The following CNTN4 variants were observed in gnomAD, a reference collection of about 807,000 sequenced individuals.
CNTN4 encodes contactin-4.
A neutral mutation model predicts 122.5 loss-of-function variants in CNTN4; 77 were observed. That is an observed-to-expected ratio of 0.63 (90% CI 0.52 to 0.76). CNTN4 has a LOEUF of 0.76. Ranked by LOEUF, CNTN4 falls within the 30% of genes least tolerant of loss-of-function variation. The probability of loss-of-function intolerance (pLI) is 0.00; values close to 1 mark genes in which losing one functional copy is unlikely to be tolerated. For synonymous variants in CNTN4, 512 were observed against 447.0 expected (o/e 1.15, Z -1.83); for missense variants, 1,256 against 1,259.1 (o/e 1.00, Z 0.04).
At chr3:2,410,200 A>T (rs1293752436) in intron 3 of CNTN4, among the ~76,000 whole-genome samples, 1 of 152,226 alleles carries the variant, frequency 6.6e-6, no homozygotes, top group Non-Finnish European at 1.5e-5. Flanking sequence ...AAGAAGATGG[A>T]GGACCCTCCC....
chr3:2,633,230 A>C (rs1322765343), intron 4 of CNTN4, among the ~76,000 whole-genome samples: 1 of 152,192 alleles, frequency 6.6e-6, no homozygotes, highest in Non-Finnish European at 1.5e-5. Flanking sequence ...AGCACTGTTC[A>C]CATAAAACAC....
chr3:2,881,004 G>T (rs1169144884), intron 8 of CNTN4, among the ~76,000 whole-genome samples: 1 of 152,062 alleles, frequency 6.6e-6, no homozygotes, highest in African/African-American at 2.4e-5. Context: ...GATATCAAAG[G>T]TCCCTTCCAA....
At position 2,630,945 on chromosome 3, in the gene CNTN4, A is replaced by G. The variant is rs1031241667; in HGVS notation, c.55+59387A>G. Among the ~76,000 whole-genome samples the G allele has an allele frequency of 2.6e-5, 4 of 152,246 alleles. No homozygotes were observed. In the East Asian group the frequency reaches 7.7e-4, roughly 29 times the overall value. ...GTTTATTTTGCTTGCATCTTACCAA[A>G]CCTCAACTTATAGTCAGTTGACCAA... is the stretch of plus-strand genomic sequence containing the variant. On this transcript the variant is annotated intron_variant, in intron 4 of 24. Transcript: ENST00000418658.
At chr3:2,392,098 A>G (rs1053398411) in intron 3 of CNTN4, among the ~76,000 whole-genome samples, 2 of 152,220 alleles carry the variant, frequency 1.3e-5, no homozygotes, top group African/African-American at 2.4e-5. Flanking sequence ...ATGTTGCTAC[A>G]TGACCCCAGA....
At chr3:2,657,844 G>T (rs1052405081) in intron 4 of CNTN4, among the ~76,000 whole-genome samples, 1 of 151,148 alleles carries the variant, frequency 6.6e-6, no homozygotes, top group Admixed American at 6.6e-5. Context: ...TTCAGTGGGG[G>T]CATATGAAAT....
chr3:2,716,817 C>G (rs984784270), intron 4 of CNTN4, among the ~76,000 whole-genome samples: 4 of 152,226 alleles, frequency 2.6e-5, no homozygotes, highest in African/African-American at 9.6e-5. Flanking sequence ...AACTACTAGT[C>G]TGCTTTGTGT....
intron 2 of CNTN4, among the ~76,000 whole-genome samples, chr3:2,298,501 A>T (rs2042390810): frequency 6.6e-6 from 1 of 152,038 alleles, no homozygotes; most frequent in Non-Finnish European, 1.5e-5. Context: ...GAATTTGAAA[A>T]TTTCTTTCTT....
chr3:2,241,686 C>T (rs1291539751), intron 2 of CNTN4, among the ~76,000 whole-genome samples: 1 of 152,190 alleles, frequency 6.6e-6, no homozygotes, highest in Non-Finnish European at 1.5e-5. Context: ...AACACATTCT[C>T]TCTGTATCTG....
rs112631777 is a variant in CNTN4 at position 2,583,264 on chromosome 3, T to C, written c.55+11706T>C. On this transcript the variant is annotated intron_variant, in intron 4 of 24. Coordinates refer to ENST00000418658, the MANE Select transcript of CNTN4 (RefSeq NM_175607.3). Reference sequence around the variant, plus strand: ...CAACTCATTGCAGCAGATATGTTACTTCAACAGGGAGCATTTCACAGATTG... The same window carrying C: ...CAACTCATTGCAGCAGATATGTTACCTCAACAGGGAGCATTTCACAGATTG... Among the ~76,000 whole-genome samples the C allele has an allele frequency of 4.5e-3, 688 of 152,318 alleles. 6 individuals carry two copies. Among genetic ancestry groups the C allele is most frequent in the African/African-American group, 0.015 (629 of 41,566 alleles).
intron 7 of CNTN4, among the ~76,000 whole-genome samples, chr3:2,863,105 A>G (rs939256335): frequency 1.2e-4 from 19 of 152,320 alleles, no homozygotes; most frequent in Non-Finnish European, 2.4e-4. Flanking sequence ...GTTGTACTAC[A>G]CTTTTTGCCT....
chr3:2,169,560 C>G (rs529245804), intron 2 of CNTN4, among the ~76,000 whole-genome samples: 4 of 151,774 alleles, frequency 2.6e-5, no homozygotes, highest in Admixed American at 1.3e-4. Flanking sequence ...GCGCCGCCAC[C>G]ACGCCCGGCT....
chr3:2,482,290 C>G (rs2076027435), intron 3 of CNTN4, among the ~76,000 whole-genome samples: 1 of 152,074 alleles, frequency 6.6e-6, no homozygotes, highest in Non-Finnish European at 1.5e-5. Context: ...AGCATTTTGC[C>G]CCTGCCCTAG....
At chr3:2,247,826 C>G (rs1053129790) in intron 2 of CNTN4, among the ~76,000 whole-genome samples, 5 of 151,958 alleles carry the variant, frequency 3.3e-5, no homozygotes, top group Admixed American at 1.3e-4. Context: ...ATAATAGTGT[C>G]TTACTAAAGT....
At chr3:2,779,533 T>C (rs949154703) in intron 6 of CNTN4, among the ~76,000 whole-genome samples, 1 of 152,164 alleles carries the variant, frequency 6.6e-6, no homozygotes, top group Admixed American at 6.5e-5. Context: ...TTTTTAGTTA[T>C]TATGTTGGAT....
At chr3:2,281,661 C>T (rs1470410757) in intron 2 of CNTN4, among the ~76,000 whole-genome samples, 1 of 152,026 alleles carries the variant, frequency 6.6e-6, no homozygotes, top group African/African-American at 2.4e-5. Context: ...TAGTATTTCA[C>T]ATATCTGCTT....
chr3:2,426,223 T>C (rs1055787050), intron 3 of CNTN4, among the ~76,000 whole-genome samples: 20 of 152,216 alleles, frequency 1.3e-4, no homozygotes, highest in Non-Finnish European at 5.9e-5. Context: ...ATAGCTCTTA[T>C]TATTTTGAGA....
At chr3:2,157,941 A>T (rs977915816) in intron 2 of CNTN4, among the ~76,000 whole-genome samples, 8 of 152,244 alleles carry the variant, frequency 5.3e-5, no homozygotes, top group Non-Finnish European at 1.2e-4. Flanking sequence ...ATCAAAACCA[A>T]TTAAAGGAAC....
intron 3 of CNTN4, among the ~76,000 whole-genome samples, chr3:2,553,132 A>G (rs759384506): frequency 1.1e-4 from 17 of 152,190 alleles, no homozygotes; most frequent in Admixed American, 2.6e-4. Flanking sequence ...CACACAAAGT[A>G]ATTGGCTTGA....
intron 4 of CNTN4, among the ~76,000 whole-genome samples, chr3:2,579,782 T>G (rs1198617723): frequency 6.6e-6 from 1 of 152,204 alleles, no homozygotes; most frequent in Non-Finnish European, 1.5e-5. Context: ...TATATGTTAA[T>G]GTTTATGTTA....
Sources: gnomAD v4.1 joint callset for allele counts (sites outside exome capture counted in the v4.1 genomes callset) on GRCh38, gnomAD v4.1.1 for gene constraint, MANE v1.5 for transcripts, NCBI Gene and HGNC (gene_info 2026-07-23, HGNC 2026-07-21) for gene names.